The following SCN11A variants were observed in gnomAD, a reference collection of about 807,000 sequenced individuals.
The protein encoded by SCN11A is sodium voltage-gated channel alpha subunit 11.
A neutral mutation model predicts 162.2 loss-of-function variants in SCN11A; 122 were observed. The observed-to-expected ratio is 0.75, with a 90% CI of 0.65 to 0.87. The LOEUF (loss-of-function observed/expected upper bound fraction) is 0.87. Among genes scored for constraint, SCN11A ranks in the 40% least tolerant of loss-of-function variants. The probability of loss-of-function intolerance (pLI) is 0.00; values close to 1 mark genes in which losing one functional copy is unlikely to be tolerated. For synonymous variants in SCN11A, 758 were observed against 751.5 expected (o/e 1.01, Z -0.14); for missense variants, 2,015 against 2,181.6 (o/e 0.92, Z 1.52).
chr3:38,932,864 G>C (rs934140373), intron 7 of SCN11A, among the ~76,000 whole-genome samples: 13 of 152,220 alleles, frequency 8.5e-5, no homozygotes, highest in African/African-American at 3.1e-4. Context: ...GCTTTGAAGA[G>C]AGCAGTGGTT....
chr3:38,871,744 TG>T, intron 24 of SCN11A, 36 bp from the exon 25 acceptor site: 2 of 1,537,918 alleles, frequency 1.3e-6, no homozygotes, highest in Non-Finnish European at 1.7e-6. Flanking sequence ...CCATAACAGA[TG>T]GGTAGGATGC....
chr3:38,911,136 T>A (rs540506702), intron 11 of SCN11A, among the ~76,000 whole-genome samples: 7 of 152,220 alleles, frequency 4.6e-5, no homozygotes, highest in Admixed American at 1.3e-4. Context: ...CTTCTTGCTA[T>A]GGTAGACATT....
intron 5 of SCN11A, 32 bp downstream of exon 5, chr3:38,950,064 C>G (rs371169690): frequency 2.2e-5 from 1 of 45,936 alleles, no homozygotes; most frequent in Non-Finnish European, 3.9e-5. Flanking sequence ...AACACCCCCA[C>G]CCCCACCCCC....
chr3:39,013,126 A>G (rs2031192474), intron 2 of SCN11A, among the ~76,000 whole-genome samples: 1 of 152,232 alleles, frequency 6.6e-6, no homozygotes, highest in South Asian at 2.1e-4. Flanking sequence ...GAGCATTAAC[A>G]GAGATGAGAG....
intron 1 of SCN11A, among the ~76,000 whole-genome samples, chr3:39,047,048 C>T (rs1180706332): frequency 2.0e-5 from 2 of 99,548 alleles, no homozygotes; most frequent in African/African-American, 9.8e-5. Flanking sequence ...ACCCCCATCC[C>T]CCCACCCCCA....
chr3:38,850,268 G>A lies in SCN11A; in HGVS notation c.4327+213C>T. 3 of 540,732 alleles carry A rather than the reference G, an allele frequency of 5.5e-6. No homozygotes were observed. In the South Asian group the frequency reaches 7.6e-5, roughly 14 times the overall value. The allele number at this position is 540,732 out of a possible 1,614,324, so 33.5% of individuals were successfully genotyped here. A position where few individuals can be genotyped will look rare whatever the true frequency, so the allele number is the denominator to read the frequency against. ...TGCATGATTATTGAACTCTATTTCA[G>A]TTGTGTAGTGAGTTAAGGGAACAGA... On this transcript the variant is annotated intron_variant, in intron 29 of 29. Transcript: ENST00000302328.
intron 2 of SCN11A, among the ~76,000 whole-genome samples, chr3:38,990,413 G>A (rs1040660181): frequency 9.9e-5 from 15 of 152,108 alleles, no homozygotes; most frequent in Non-Finnish European, 1.8e-4. Flanking sequence ...AAGGCATGGC[G>A]CCTGCCCTCA....
chr3:38,889,666 G>A (rs573361707), intron 19 of SCN11A, among the ~76,000 whole-genome samples: 82 of 151,668 alleles, frequency 5.4e-4, no homozygotes, highest in African/African-American at 2.0e-3. Context: ...CGAGTGTGGT[G>A]GCCGGCGCCT....
intron 1 of SCN11A, among the ~76,000 whole-genome samples, chr3:39,045,752 T>C (rs758623006): frequency 6.6e-6 from 1 of 152,158 alleles, no homozygotes; most frequent in African/African-American, 2.4e-5. Flanking sequence ...GATACCCACT[T>C]TCACCACTCT....
chr3:38,862,746 G>A (rs1313542624), intron 28 of SCN11A, among the ~76,000 whole-genome samples: 1 of 152,038 alleles, frequency 6.6e-6, no homozygotes, highest in African/African-American at 2.4e-5. Flanking sequence ...CAAGGAGATG[G>A]GTGGGAAGAG....
Position 38,879,930 on chromosome 3 carries a change from C to A in SCN11A, c.3393+20G>T, listed in dbSNP as rs1284548556. The A allele has an allele frequency of 5.0e-6, 8 of 1,607,238 alleles. No homozygotes were observed. The highest frequency in any genetic ancestry group is 6.8e-6 in the Non-Finnish European group (8 of 1,175,418). ...AACCACTACCCCAGCCTGTGTGGGA[C>A]ACAGAGATGGTAAACTTACAATCAC... On this transcript the variant is annotated intron_variant, in intron 23 of 29. Transcript: ENST00000302328.
intron 2 of SCN11A, among the ~76,000 whole-genome samples, chr3:39,025,402 G>A (rs547744281): frequency 1.3e-5 from 2 of 152,330 alleles, no homozygotes; most frequent in African/African-American, 4.8e-5. Context: ...CTACTCCCTA[G>A]ACAGAGGAAC....
intron 2 of SCN11A, among the ~76,000 whole-genome samples, chr3:38,998,755 T>C (rs933026724): frequency 1.3e-5 from 2 of 151,878 alleles, no homozygotes; most frequent in Admixed American, 6.6e-5. Flanking sequence ...ATGTCCTTTG[T>C]AGGGACATGG....
intron 7 of SCN11A, among the ~76,000 whole-genome samples, chr3:38,932,003 C>T (rs1395110775): frequency 6.6e-6 from 1 of 152,170 alleles, no homozygotes; most frequent in Non-Finnish European, 1.5e-5. Context: ...ACAATACTTG[C>T]AACTTGCCAA....
At chr3:38,866,198 G>A (rs1223346041) in intron 27 of SCN11A, among the ~76,000 whole-genome samples, 1 of 151,272 alleles carries the variant, frequency 6.6e-6, no homozygotes, top group African/African-American at 2.4e-5. Flanking sequence ...ATTCAGCCCT[G>A]AGAATTCCTT....
intron 2 of SCN11A, among the ~76,000 whole-genome samples, chr3:38,965,883 G>A (rs1383474143): frequency 6.6e-6 from 1 of 152,020 alleles, no homozygotes; most frequent in Non-Finnish European, 1.5e-5. Flanking sequence ...AGGAGGCTAA[G>A]GCAGGAGACT....
At chr3:38,848,321 T>C (rs2064710576) in intron 29 of SCN11A, among the ~76,000 whole-genome samples, 1 of 152,200 alleles carries the variant, frequency 6.6e-6, no homozygotes, top group South Asian at 2.1e-4. Flanking sequence ...CTAAACATTA[T>C]AGAATGGTTG....
chr3:38,920,080 G>T (rs2125547373), intron 10 of SCN11A, 79 bp from the exon 11 acceptor site: 1 of 1,090,256 alleles, frequency 9.2e-7, no homozygotes, highest in Non-Finnish European at 1.4e-6. Context: ...TGCAGATTAT[G>T]CTTGAAAATG....
intron 28 of SCN11A, among the ~76,000 whole-genome samples, chr3:38,861,984 T>A (rs1212487400): frequency 6.6e-6 from 1 of 152,110 alleles, no homozygotes. Context: ...ATTCACAAAC[T>A]ATGCATCTGA....
Sources: allele counts gnomAD v4.1 joint callset (sites outside exome capture counted in the v4.1 genomes callset), GRCh38; gene constraint gnomAD v4.1.1; transcripts MANE v1.5; gene names NCBI Gene and HGNC (gene_info 2026-07-23, HGNC 2026-07-21).